GLIS1: variants seen among roughly 807,000 people sequenced by gnomAD.
GLIS1 encodes the protein zinc finger protein GLIS1.
GLIS1 carries 24 observed loss-of-function variants against 63.8 expected under a neutral mutation model. That is an observed-to-expected ratio of 0.38 (90% CI 0.27 to 0.53). The LOEUF (loss-of-function observed/expected upper bound fraction) is 0.53, where lower values mean the gene tolerates loss of function less well. GLIS1 is among the 20% of genes least tolerant of loss of function. GLIS1 has a pLI of 0.85. For synonymous variants in GLIS1, 450 were observed against 482.5 expected (o/e 0.93, Z 0.88); for missense variants, 1,036 against 1,074.1 (o/e 0.96, Z 0.50).
intron 4 of GLIS1, among the ~76,000 whole-genome samples, chr1:53,534,972 G>T (rs1462891197): frequency 1.3e-5 from 2 of 152,010 alleles, no homozygotes; most frequent in Admixed American, 1.3e-4. Flanking sequence ...CCCAGGCAGG[G>T]GCTAGAAACA....
chr1:53,528,462 G>C (rs1232553421), intron 5 of GLIS1, among the ~76,000 whole-genome samples: 1 of 152,174 alleles, frequency 6.6e-6, no homozygotes, highest in Non-Finnish European at 1.5e-5. Context: ...TTATGAAATG[G>C]GGATAATGGG....
Position 53,509,244 on chromosome 1 carries a change from A to G in GLIS1, c.2106T>C (p.Tyr702=). The change falls in exon 10 of 11, where the codon TAT becomes TAC. Residue 702 remains tyrosine (Y), a synonymous_variant. Transcript: ENST00000628545. ...GTTCAGCCATCCGGTAGCAGTCGCC[A>G]TAGGGGAAGCAACTCTGGATGGAGT... ...SFHSIQSCFP[Y]GDCYRMAEPA... is the part of the protein sequence containing the mutation. 1.9e-6 allele frequency: 3 copies of G among 1,595,500 alleles called. No individual in the cohort carries two copies. The highest frequency in any genetic ancestry group is 2.6e-6 in the Non-Finnish European group (3 of 1,171,182).
chr1:53,677,630 C>A (rs1374135667), intron 2 of GLIS1, among the ~76,000 whole-genome samples: 1 of 152,246 alleles, frequency 6.6e-6, no homozygotes, highest in Admixed American at 6.5e-5. Context: ...GGGGCCTCTG[C>A]AGGCCCAGAC....
intron 2 of GLIS1, among the ~76,000 whole-genome samples, chr1:53,605,861 T>C (rs1645364834): frequency 6.6e-6 from 1 of 152,188 alleles, no homozygotes; most frequent in African/African-American, 2.4e-5. Context: ...CCACAGCAAG[T>C]GCTTAGAAAT....
chr1:53,533,252 C>T (rs1244596598), intron 4 of GLIS1, among the ~76,000 whole-genome samples: 1 of 152,224 alleles, frequency 6.6e-6, no homozygotes, highest in Admixed American at 6.5e-5. Context: ...CCTGCACAGC[C>T]ATGGCCTTCT....
chr1:53,621,820 T>A (rs111993874), intron 2 of GLIS1, among the ~76,000 whole-genome samples: 146 of 142,260 alleles, frequency 1.0e-3, no homozygotes, highest in African/African-American at 1.7e-3. Context: ...TACAGAAAAA[T>A]TTTTTTTTTT....
chr1:53,555,027 G>A (rs1644803607), intron 4 of GLIS1, among the ~76,000 whole-genome samples: 1 of 152,202 alleles, frequency 6.6e-6, no homozygotes, highest in Admixed American at 6.5e-5. Context: ...GACCTGGGCA[G>A]CTTCCCTAGG....
intron 4 of GLIS1, among the ~76,000 whole-genome samples, chr1:53,542,216 G>A (rs990207189): frequency 2.0e-5 from 3 of 152,218 alleles, no homozygotes; most frequent in Admixed American, 6.5e-5. Flanking sequence ...AAAGGGGTCC[G>A]TGTGGAATAG....
intron 3 of GLIS1, among the ~76,000 whole-genome samples, chr1:53,597,044 G>T (rs1455784878): frequency 1.3e-5 from 2 of 151,798 alleles, no homozygotes; most frequent in Non-Finnish European, 2.9e-5. Context: ...TCTGCTGAGG[G>T]GTAGGTAGAG....
At chr1:53,507,721 T>G (rs1279287380) in intron 10 of GLIS1, among the ~76,000 whole-genome samples, 1 of 152,046 alleles carries the variant, frequency 6.6e-6, no homozygotes, top group Non-Finnish European at 1.5e-5. Flanking sequence ...GAGTGGGCAC[T>G]GGGGAGAGGG....
intron 2 of GLIS1, among the ~76,000 whole-genome samples, chr1:53,725,814 C>T (rs1405414240): frequency 6.6e-6 from 1 of 152,178 alleles, no homozygotes; most frequent in Non-Finnish European, 1.5e-5. Flanking sequence ...GGGTCATTCC[C>T]CCATTTTAAA....
intron 2 of GLIS1, among the ~76,000 whole-genome samples, chr1:53,645,279 C>G (rs1645832337): frequency 6.6e-6 from 1 of 152,294 alleles, no homozygotes; most frequent in African/African-American, 2.4e-5. Context: ...CACGAAATAG[C>G]CCTCTCCAAC....
intron 2 of GLIS1, among the ~76,000 whole-genome samples, chr1:53,632,853 G>A (rs916026190): frequency 1.3e-5 from 2 of 150,644 alleles, no homozygotes; most frequent in African/African-American, 4.9e-5. Context: ...GTGTATGTAT[G>A]TGACCGAGAG....
In GLIS1 at chr1:53,594,509, C is replaced by A. The variant is rs1384512687; in HGVS notation, c.919G>T (p.Gly307Cys). 18 of 1,612,660 alleles carry A rather than the reference C, an allele frequency of 1.1e-5. No individual in the cohort carries two copies. Among genetic ancestry groups the A allele is most frequent in the Non-Finnish European group, 1.4e-5 (17 of 1,179,812 alleles). The change falls in exon 4 of 11, where the codon GGC (glycine) becomes TGC (cysteine). Residue 307 changes from glycine to cysteine, a missense_variant. Around this residue, in one of 3 missense-constraint regions of GLIS1, gnomAD observed 592 missense variants for 593.9 expected, o/e 1.00. Coordinates refer to ENST00000628545, the MANE Select transcript of GLIS1 (RefSeq NM_001367484.1). ...PGPASTDSHEGSLQLEACRKA... is the reference protein window; with the variant it reads ...PGPASTDSHECSLQLEACRKA... ...CGGCAGGCTTCAAGTTGCAAGCTGC[C>A]CTCATGGCTGTCCGTCGATGCAGGG...
intron 2 of GLIS1, among the ~76,000 whole-genome samples, chr1:53,663,343 A>G (rs1646050026): frequency 6.6e-6 from 1 of 152,220 alleles, no homozygotes; most frequent in Admixed American, 6.5e-5. Flanking sequence ...CCAAACCCAT[A>G]TCAGAGGCCT....
At chr1:53,641,790 A>G (rs1645790242) in intron 2 of GLIS1, among the ~76,000 whole-genome samples, 1 of 152,222 alleles carries the variant, frequency 6.6e-6, no homozygotes, top group Non-Finnish European at 1.5e-5. Context: ...CTTCTTGGGA[A>G]GGAACGGTCC....
At chr1:53,520,917 T>A (rs1569739335) in intron 6 of GLIS1, 151 bp from the exon 7 acceptor site, 2 of 824,872 alleles carry the variant, frequency 2.4e-6, no homozygotes, top group East Asian at 6.0e-5. Flanking sequence ...TGAAATGGGC[T>A]GACTGTGTAC....
chr1:53,524,632 C>T (rs796742881), intron 6 of GLIS1, 145 bp downstream of exon 6: 58 of 639,426 alleles, frequency 9.1e-5, no homozygotes, highest in African/African-American at 1.3e-4. Flanking sequence ...AGTGGACGGA[C>T]GGACGAACGG....
At chr1:53,571,324 C>G (rs1435356188) in intron 4 of GLIS1, among the ~76,000 whole-genome samples, 2 of 152,200 alleles carry the variant, frequency 1.3e-5, no homozygotes, top group African/African-American at 4.8e-5. Context: ...CTTTTGAAAA[C>G]AAGCCGGCAT....
Sources: allele counts gnomAD v4.1 joint callset (sites outside exome capture counted in the v4.1 genomes callset), GRCh38; gene constraint gnomAD v4.1.1; regional missense constraint gnomAD v4.1.1; transcripts MANE v1.5; gene names NCBI Gene and HGNC (gene_info 2026-07-23, HGNC 2026-07-21).